ERBB4: variants seen among roughly 807,000 people sequenced by gnomAD.
ERBB4 encodes receptor tyrosine-protein kinase erbB-4.
Under a neutral mutation model 158.0 loss-of-function variants are expected in ERBB4, and 42 were observed. The observed-to-expected ratio is 0.27, with a 90% CI of 0.21 to 0.34. ERBB4 has a LOEUF of 0.34. ERBB4 is among the 10% of genes least tolerant of loss of function. ERBB4 has a pLI of 1.00. For synonymous variants in ERBB4, 583 were observed against 558.7 expected (o/e 1.04, Z -0.61); for missense variants, 1,333 against 1,624.1 (o/e 0.82, Z 3.08).
At chr2:212,396,885 C>A (rs2091042804) in intron 1 of ERBB4, among the ~76,000 whole-genome samples, 1 of 152,058 alleles carries the variant, frequency 6.6e-6, no homozygotes, top group Non-Finnish European at 1.5e-5. Flanking sequence ...TAACCTCCTA[C>A]ATTTTAAACA....
chr2:212,381,134 A>C (rs2090489916), intron 1 of ERBB4, among the ~76,000 whole-genome samples: 1 of 151,424 alleles, frequency 6.6e-6, no homozygotes, highest in South Asian at 2.1e-4. Context: ...TTAAAATGCT[A>C]ACAAGCTTAA....
chr2:211,924,099 C>T (rs139708528), intron 3 of ERBB4, among the ~76,000 whole-genome samples: 4 of 152,242 alleles, frequency 2.6e-5, no homozygotes, highest in African/African-American at 9.6e-5. Flanking sequence ...GGAAACCCCA[C>T]ACTAGATTTC....
intron 1 of ERBB4, chr2:212,426,409 T>C (rs375200451): frequency 4.8e-4 from 207 of 432,514 alleles, no homozygotes; most frequent in Non-Finnish European, 7.7e-4. Context: ...CACATTTTCT[T>C]CTAAATGTAT....
chr2:211,818,841 C>T (rs988070742), intron 3 of ERBB4, among the ~76,000 whole-genome samples: 1 of 152,048 alleles, frequency 6.6e-6, no homozygotes, highest in African/African-American at 2.4e-5. Flanking sequence ...GATGTATGAT[C>T]ACTAAGAAGA....
At chr2:211,425,224 A>G (rs1000369914) in intron 22 of ERBB4, among the ~76,000 whole-genome samples, 2 of 152,160 alleles carry the variant, frequency 1.3e-5, no homozygotes, top group Non-Finnish European at 2.9e-5. Flanking sequence ...GTCATCTTTC[A>G]GTATAAAATC....
rs145536900 is a variant in ERBB4 at position 211,501,260 on chromosome 2, A to T, written c.2487+60643T>A. Among the ~76,000 whole-genome samples, 1,195 of 152,000 alleles carry T rather than the reference A, an allele frequency of 7.9e-3. 21 individuals are homozygous for T. Among genetic ancestry groups the T allele is most frequent in the African/African-American group, 0.027 (1,135 of 41,570 alleles). On this transcript the variant is annotated intron_variant, in intron 20 of 27. Coordinates refer to ENST00000342788, the MANE Select transcript of ERBB4 (RefSeq NM_005235.3). The stretch of plus-strand genomic sequence containing the variant: ...TGGGTACAAAAATATATTTAGATGG[A>T]ATAAGATCTAATATTTACTACCACA...
chr2:211,583,217 C>G (rs762631837), intron 19 of ERBB4, among the ~76,000 whole-genome samples: 4 of 151,948 alleles, frequency 2.6e-5, no homozygotes, highest in Non-Finnish European at 5.9e-5. Context: ...TGAGCACTTA[C>G]TATGTATCCA....
chr2:212,118,133 G>C (rs1398751351), intron 2 of ERBB4, among the ~76,000 whole-genome samples: 6 of 152,058 alleles, frequency 3.9e-5, no homozygotes, highest in African/African-American at 1.4e-4. Context: ...ATTTAATTCT[G>C]GTCATGTGCT....
At chr2:212,275,440 T>C (rs369591618) in intron 1 of ERBB4, among the ~76,000 whole-genome samples, 5 of 152,016 alleles carry the variant, frequency 3.3e-5, no homozygotes, top group African/African-American at 1.2e-4. Context: ...ACCTGTTGTT[T>C]CCTGACTTTT....
chr2:212,362,270 T>C (rs2089716625), intron 1 of ERBB4, among the ~76,000 whole-genome samples: 1 of 151,374 alleles, frequency 6.6e-6, no homozygotes, highest in South Asian at 2.1e-4. Context: ...TGTAACTCAA[T>C]GGAATGGAGA....
chr2:211,707,927 T>C (rs967015845), intron 9 of ERBB4, among the ~76,000 whole-genome samples: 4 of 152,186 alleles, frequency 2.6e-5, no homozygotes, highest in African/African-American at 9.6e-5. Context: ...ATTTTATCAG[T>C]TAAAAACATC....
intron 4 of ERBB4, among the ~76,000 whole-genome samples, chr2:211,764,333 C>A (rs1230851063): frequency 1.3e-5 from 2 of 152,146 alleles, no homozygotes; most frequent in Non-Finnish European, 2.9e-5. Flanking sequence ...ATTTTTAAGT[C>A]TAAATAAATA....
intron 3 of ERBB4, among the ~76,000 whole-genome samples, chr2:211,910,738 C>G (rs74748877): frequency 6.6e-6 from 1 of 151,874 alleles, no homozygotes; most frequent in Non-Finnish European, 1.5e-5. Context: ...TTTTAAAAAA[C>G]CGTTATATTC....
chr2:211,846,503 G>A (rs968320536), intron 3 of ERBB4, among the ~76,000 whole-genome samples: 15 of 152,082 alleles, frequency 9.9e-5, no homozygotes, highest in Admixed American at 5.2e-4. Flanking sequence ...AAAAGAGAGC[G>A]CTATGAAAAA....
intron 2 of ERBB4, among the ~76,000 whole-genome samples, chr2:212,117,030 G>T (rs2079591166): frequency 6.6e-6 from 1 of 152,096 alleles, no homozygotes; most frequent in South Asian, 2.1e-4. Flanking sequence ...TTAAAAGCCA[G>T]CCGTAAATAC....
chr2:212,497,555 G>A (rs185880095), intron 1 of ERBB4, among the ~76,000 whole-genome samples: 1 of 152,242 alleles, frequency 6.6e-6, no homozygotes, highest in Non-Finnish European at 1.5e-5. Flanking sequence ...TGTTAATGAT[G>A]TAAGTTCTCT....
chr2:211,600,195 A>G (rs999660807), intron 19 of ERBB4, among the ~76,000 whole-genome samples: 13 of 152,216 alleles, frequency 8.5e-5, no homozygotes, highest in African/African-American at 2.9e-4. Flanking sequence ...GAGCTCTCCT[A>G]GGATTTTTCA....
chr2:212,176,735 C>T (rs1274018928), intron 1 of ERBB4, among the ~76,000 whole-genome samples: 1 of 151,880 alleles, frequency 6.6e-6, no homozygotes, highest in African/African-American at 2.4e-5. Context: ...TTAGGTGTCC[C>T]TATAATATTG....
chr2:212,221,471 G>A (rs1178540387), intron 1 of ERBB4, among the ~76,000 whole-genome samples: 5 of 151,490 alleles, frequency 3.3e-5, no homozygotes, highest in Non-Finnish European at 7.4e-5. Flanking sequence ...GCAGCAGTCA[G>A]GTTTGGGAAT....
Sources: gnomAD v4.1 joint callset for allele counts (sites outside exome capture counted in the v4.1 genomes callset) on GRCh38, gnomAD v4.1.1 for gene constraint, MANE v1.5 for transcripts, NCBI Gene and HGNC (gene_info 2026-07-23, HGNC 2026-07-21) for gene names.